Variants in CD99 observed in about 807,000 individuals in gnomAD.
CD99 encodes the protein CD99 molecule (Xg blood group).
Under a neutral mutation model 28.4 loss-of-function variants are expected in CD99, and 19 were observed. That is an observed-to-expected ratio of 0.67 (90% CI 0.47 to 0.98). CD99 has a LOEUF of 0.98. Ranked by LOEUF, CD99 falls within the 50% of genes least tolerant of loss-of-function variation. The probability of loss-of-function intolerance (pLI) is 0.00; values close to 1 mark genes in which losing one functional copy is unlikely to be tolerated. For missense variants in CD99, 283 were observed against 248.8 expected (o/e 1.14, Z -0.92); for synonymous variants, 103 against 92.1 (o/e 1.12, Z -0.67).
chrX:2,714,884 G>A (rs978061277), intron 2 of CD99: 2 of 159,094 alleles, frequency 1.3e-5, no homozygotes, highest in African/African-American at 4.8e-5. Flanking sequence ...ATAAAAACTA[G>A]ACTCATAGAT....
chrX:2,717,857 T>C (rs1396528874), intron 3 of CD99: 1 of 598,784 alleles, frequency 1.7e-6, no homozygotes, highest in East Asian at 2.8e-5. Flanking sequence ...TGATGTGAAA[T>C]GTTTCGGGGC....
In CD99 at chrX:2,717,363, A is replaced by C. The variant is rs749577083; in HGVS notation, c.101-242A>C. The C allele has an allele frequency of 3.6e-4, 176 of 491,288 alleles. 1 individual carries two copies. In the Admixed American group the frequency reaches 6.0e-3, roughly 17 times the overall value. The allele number at this position is 491,288 out of a possible 1,614,324, so 30.4% of individuals were successfully genotyped here. A position where few individuals can be genotyped will look rare whatever the true frequency, so the allele number is the denominator to read the frequency against. On this transcript the variant is annotated intron_variant, in intron 2 of 9. Transcript: ENST00000381192. ...ACTTGGTCTCAAAAAAAAAAAAAAA[A>C]GAAGTGGAGAAGGGGCTCCTGGTCT...
intron 1 of CD99, among the ~76,000 whole-genome samples, chrX:2,713,854 A>G: frequency 6.6e-6 from 1 of 152,316 alleles, no homozygotes. Context: ...AGTGCGCCAG[A>G]GATGGCCAGC....
intron 1 of CD99, among the ~76,000 whole-genome samples, chrX:2,709,137 G>T (rs2048258086): frequency 6.6e-6 from 1 of 152,130 alleles, no homozygotes; most frequent in South Asian, 2.1e-4. Context: ...CTAGGCTGGG[G>T]AGGTGGCAGG....
chrX:2,704,868 C>A (rs773872289), intron 1 of CD99, among the ~76,000 whole-genome samples: 2 of 152,296 alleles, frequency 1.3e-5, no homozygotes, highest in South Asian at 2.1e-4. Flanking sequence ...GAGTGCGTCA[C>A]AACACCTGTC....
chrX:2,694,581 C>G (rs2047486568), intron 1 of CD99, among the ~76,000 whole-genome samples: 1 of 151,960 alleles, frequency 6.6e-6, no homozygotes, highest in South Asian at 2.1e-4. Flanking sequence ...GGCAAAACCC[C>G]GACTCTACTA....
intron 1 of CD99, among the ~76,000 whole-genome samples, chrX:2,706,284 C>T (rs1197286222): frequency 1.3e-5 from 2 of 151,998 alleles, no homozygotes; most frequent in African/African-American, 2.4e-5. Context: ...GGTGTGAACC[C>T]GGGAGGCATA....
chrX:2,716,632 G>T (rs190146817), intron 2 of CD99, among the ~76,000 whole-genome samples: 31 of 152,340 alleles, frequency 2.0e-4, no homozygotes, highest in Admixed American at 3.9e-4. Flanking sequence ...GCTGAGGCGT[G>T]AGAGGATTGC....
intron 8 of CD99, among the ~76,000 whole-genome samples, chrX:2,730,018 C>G (rs764061714): frequency 6.6e-6 from 1 of 152,060 alleles, no homozygotes; most frequent in South Asian, 2.1e-4. Context: ...GCTGGGCGTG[C>G]TTGCGCCTGC....
At chrX:2,713,122 G>A (rs1184855785) in intron 1 of CD99, among the ~76,000 whole-genome samples, 6 of 126,672 alleles carry the variant, frequency 4.7e-5, no homozygotes, top group South Asian at 2.6e-4. Context: ...CACTACATCC[G>A]CCTACACATA....
intron 7 of CD99, among the ~76,000 whole-genome samples, chrX:2,724,229 G>A (rs909514894): frequency 9.2e-5 from 14 of 152,164 alleles, no homozygotes; most frequent in African/African-American, 2.9e-4. Context: ...TGGCCTTCTA[G>A]AGAGTTAATG....
chrX:2,691,780 AC>A (rs773022919), intron 1 of CD99: 1 of 767,412 alleles, frequency 1.3e-6, no homozygotes, highest in Non-Finnish European at 2.4e-6. Flanking sequence ...CCCGTTATCT[AC>A]CCCCAGGGTT....
intron 1 of CD99, among the ~76,000 whole-genome samples, chrX:2,712,232 GGGGGAAAT>G (rs1411664136): frequency 6.6e-6 from 1 of 152,002 alleles, no homozygotes; most frequent in Non-Finnish European, 1.5e-5. Flanking sequence ...AGTGAGGGGT[GGGGGAAAT>G]GGGGAAATGA....
chrX:2,699,065 C>A, intron 1 of CD99, among the ~76,000 whole-genome samples: 1 of 151,832 alleles, frequency 6.6e-6, no homozygotes, highest in East Asian at 1.9e-4. Flanking sequence ...AAGCTGGGAC[C>A]ACAGGTGCAC....
intron 1 of CD99, among the ~76,000 whole-genome samples, chrX:2,706,043 G>A (rs1361733845): frequency 2.1e-5 from 3 of 143,122 alleles, no homozygotes; most frequent in Non-Finnish European, 4.5e-5. Flanking sequence ...GGTTCCACTC[G>A]ACCTCCAAAA....
chrX:2,731,971 A>G, intron 8 of CD99, among the ~76,000 whole-genome samples: 1 of 59,350 alleles, frequency 1.7e-5, no homozygotes, highest in East Asian at 3.4e-4. Flanking sequence ...CAAAAAACGT[A>G]AAAAAAAAAA....
At chrX:2,700,127 G>C (rs1248473678) in intron 1 of CD99, among the ~76,000 whole-genome samples, 1 of 152,182 alleles carries the variant, frequency 6.6e-6, no homozygotes, top group African/African-American at 2.4e-5. Context: ...GTGGCTGCGT[G>C]TGTGGGCTGA....
intron 1 of CD99, among the ~76,000 whole-genome samples, chrX:2,697,933 A>G (rs1337410289): frequency 6.6e-6 from 1 of 151,742 alleles, no homozygotes; most frequent in Non-Finnish European, 1.5e-5. Flanking sequence ...CAAGCAGGAG[A>G]TGGATATGAA....
chrX:2,727,463 C>G (rs1367599909), intron 8 of CD99: 2 of 708,594 alleles, frequency 2.8e-6, no homozygotes, highest in Non-Finnish European at 5.3e-6. Context: ...ATCCCATCGA[C>G]CGGGAACAGC....
Sources: allele counts gnomAD v4.1 joint callset (sites outside exome capture counted in the v4.1 genomes callset), GRCh38; gene constraint gnomAD v4.1.1; transcripts MANE v1.5; gene names NCBI Gene and HGNC (gene_info 2026-07-23, HGNC 2026-07-21).